POU6F2: variants seen among roughly 807,000 people sequenced by gnomAD.
The protein encoded by POU6F2 is POU domain, class 6, transcription factor 2.
Under a neutral mutation model 71.3 loss-of-function variants are expected in POU6F2, and 31 were observed. The ratio of observed to expected loss-of-function variants is 0.43; its 90% CI spans 0.33 to 0.59. The LOEUF is 0.59. Ranked by LOEUF, POU6F2 falls within the 20% of genes least tolerant of loss-of-function variation. The pLI is 0.04. For missense variants in POU6F2, 783 were observed against 856.8 expected, an observed-to-expected ratio of 0.91 and a Z score of 1.07; for synonymous variants, 347 against 355.7, an observed-to-expected ratio of 0.98 and a Z score of 0.27.
At chr7:39,107,577 A>G (rs997926829) in intron 2 of POU6F2, among the ~76,000 whole-genome samples, 13 of 152,312 alleles carry the variant, frequency 8.5e-5, no homozygotes, top group African/African-American at 3.1e-4. Flanking sequence ...CAGGAAAGAG[A>G]TGGCATACTT....
intron 4 of POU6F2, among the ~76,000 whole-genome samples, chr7:39,275,633 G>A (rs1169973011): frequency 1.3e-5 from 2 of 152,152 alleles, no homozygotes; most frequent in African/African-American, 4.8e-5. Context: ...GAGGCATCGT[G>A]CTACCTGACT....
intron 1 of POU6F2, among the ~76,000 whole-genome samples, chr7:39,081,297 G>A (rs1481894636): frequency 1.3e-5 from 2 of 152,118 alleles, no homozygotes; most frequent in Non-Finnish European, 2.9e-5. Context: ...ATCGAACCTT[G>A]CCCATTCCAG....
At chr7:39,010,164 TG>T (rs1277950665) in intron 1 of POU6F2, among the ~76,000 whole-genome samples, 1 of 130,720 alleles carries the variant, frequency 7.6e-6, no homozygotes, top group Non-Finnish European at 1.7e-5. Context: ...GGACTGTTTT[TG>T]GTTGGTAAGC....
In POU6F2 at chr7:39,015,272, G is replaced by T. The variant is rs1027436291; in HGVS notation, c.105+37214G>T. On this transcript the variant is annotated intron_variant, in intron 1 of 9. Transcript: ENST00000518318. ...TATCTATATTATATCTAGAGATATG[G>T]TATCTATTATATAGAGATATATCTA... Among the ~76,000 whole-genome samples the T allele has an allele frequency of 1.3e-4, 17 of 134,222 alleles. No individual in the cohort carries two copies. In the East Asian group the frequency reaches 3.6e-3, roughly 28 times the overall value. The allele number at this position is 134,222 out of a possible 152,430, so 88.1% of individuals were successfully genotyped here.
intron 1 of POU6F2, among the ~76,000 whole-genome samples, chr7:39,011,742 T>C (rs1789291679): frequency 6.7e-6 from 1 of 150,188 alleles, no homozygotes; most frequent in African/African-American, 2.4e-5. Flanking sequence ...CTCTCAGCAT[T>C]TGCTTGTCTG....
At chr7:39,399,956 A>C (rs1485573171) in intron 5 of POU6F2, among the ~76,000 whole-genome samples, 1 of 152,102 alleles carries the variant, frequency 6.6e-6, no homozygotes, top group African/African-American at 2.4e-5. Flanking sequence ...GGGGTGTACC[A>C]CCCTCCCAGC....
chr7:39,252,399 G>GAC lies in POU6F2; in HGVS notation c.598+44816_598+44817dup, dbSNP rs55738894. On this transcript the variant is annotated intron_variant, in intron 4 of 9. Transcript: ENST00000518318. ...ACACACACATACAGACAGACAGACA[G>GAC]ACACACACACACACACACACACACA... Among the ~76,000 whole-genome samples the GAC allele has an allele frequency of 7.5e-3, 1,081 of 144,242 alleles. 14 individuals carry two copies. Among genetic ancestry groups the GAC allele is most frequent in the South Asian group, 0.023 (98 of 4,330 alleles). The allele number at this position is 144,242 out of a possible 152,430, so 94.6% of individuals were successfully genotyped here. A position where few individuals can be genotyped will look rare whatever the true frequency, so the allele number is the denominator to read the frequency against.
intron 4 of POU6F2, among the ~76,000 whole-genome samples, chr7:39,295,003 CA>C (rs1252788709): frequency 6.6e-6 from 1 of 152,110 alleles, no homozygotes; most frequent in Admixed American, 6.5e-5. Context: ...AGGAATTCCA[CA>C]ATACTTCATG....
intron 6 of POU6F2, among the ~76,000 whole-genome samples, chr7:39,412,731 C>T (rs1315213563): frequency 7.0e-6 from 1 of 142,558 alleles, no homozygotes; most frequent in African/African-American, 2.6e-5. Context: ...CTTGTTTAAC[C>T]ACCTAGATAT....
At chr7:39,012,309 A>G (rs1367082931) in intron 1 of POU6F2, among the ~76,000 whole-genome samples, 3 of 151,982 alleles carry the variant, frequency 2.0e-5, no homozygotes, top group Non-Finnish European at 4.4e-5. Context: ...CTTCCAGTTG[A>G]TCACATCGGC....
chr7:39,073,758 A>C (rs1790939126), intron 1 of POU6F2, among the ~76,000 whole-genome samples: 1 of 152,360 alleles, frequency 6.6e-6, no homozygotes, highest in East Asian at 1.9e-4. Context: ...CGCTGGAGCA[A>C]CCAAGCCACA....
intron 2 of POU6F2, among the ~76,000 whole-genome samples, chr7:39,131,153 C>T (rs1396576111): frequency 6.6e-6 from 1 of 152,192 alleles, no homozygotes; most frequent in Admixed American, 6.5e-5. Context: ...ATTGGCACGG[C>T]TCAGATTCCC....
chr7:39,325,502 A>G (rs553635153), intron 4 of POU6F2, among the ~76,000 whole-genome samples: 2 of 152,362 alleles, frequency 1.3e-5, no homozygotes, highest in African/African-American at 2.4e-5. Flanking sequence ...AAGAGAGAAC[A>G]TAGTCAGATC....
At chr7:39,133,814 AG>A (rs1792336727) in intron 2 of POU6F2, among the ~76,000 whole-genome samples, 1 of 152,244 alleles carries the variant, frequency 6.6e-6, no homozygotes, top group African/African-American at 2.4e-5. Flanking sequence ...TCTACATGGC[AG>A]CCCTGAGGGG....
intron 4 of POU6F2, among the ~76,000 whole-genome samples, chr7:39,280,522 T>C (rs1438426505): frequency 6.6e-6 from 1 of 152,210 alleles, no homozygotes; most frequent in Non-Finnish European, 1.5e-5. Flanking sequence ...TCCATTGCTT[T>C]CGAAAATTGC....
chr7:39,207,746 T>G, intron 4 of POU6F2, 126 bp downstream of exon 4: 1 of 878,572 alleles, frequency 1.1e-6, no homozygotes, highest in South Asian at 1.9e-5. Context: ...CTAAATGATA[T>G]GGAAGGCTTC....
At chr7:39,177,096 T>C (rs928017564) in intron 2 of POU6F2, among the ~76,000 whole-genome samples, 1 of 152,212 alleles carries the variant, frequency 6.6e-6, no homozygotes, top group Non-Finnish European at 1.5e-5. Context: ...TCTTATAAAA[T>C]AGTTTATTTT....
rs773029908 is a variant in POU6F2, at chr7:39,339,611, C to G, written c.599-31C>G. 12 of 1,554,902 alleles carry G rather than the reference C, an allele frequency of 7.7e-6. No individual in the cohort carries two copies. In the Admixed American group the frequency reaches 1.2e-4, roughly 16 times the overall value. On this transcript the variant is annotated intron_variant, in intron 4 of 9. Transcript: ENST00000518318. ...CCAGCAAGACACTTTGTCATGTTAT[C>G]TCACTCCACATTCGCTTTCTCTCCT...
chr7:39,021,725 A>G (rs1293678546), intron 1 of POU6F2, among the ~76,000 whole-genome samples: 1 of 152,048 alleles, frequency 6.6e-6, no homozygotes, highest in African/African-American at 2.4e-5. Context: ...CATAGATATC[A>G]TATTAATTCA....
Sources: allele counts gnomAD v4.1 joint callset (sites outside exome capture counted in the v4.1 genomes callset), GRCh38; gene constraint gnomAD v4.1.1; transcripts MANE v1.5; gene names NCBI Gene and HGNC (gene_info 2026-07-23, HGNC 2026-07-21).